The following NFIX variants were observed in gnomAD, a reference collection of about 807,000 sequenced individuals.
NFIX encodes nuclear factor I X, also known as nuclear factor 1 X-type.
In NFIX, 2 loss-of-function variants were observed where a neutral mutation model predicts 53.3. That is an observed-to-expected ratio of 0.04 (90% CI 0.02 to 0.12). NFIX has a LOEUF of 0.12. Among genes scored for constraint, NFIX ranks in the 10% least tolerant of loss-of-function variants. NFIX has a pLI of 1.00. For synonymous variants in NFIX, 244 were observed against 289.0 expected, an observed-to-expected ratio of 0.84 and a Z score of 1.58; for missense variants, 310 against 674.5, an observed-to-expected ratio of 0.46 and a Z score of 5.99.
In NFIX at chr19:13,021,378, GC is replaced by G. The variant is rs1362398045; in HGVS notation, c.28-3642del. ...CACAGACTGGGGTCCCAGGTGTTGG[GC>G]AGCCCCTCTCCCATTGTCAGGGTTC... On this transcript the variant is annotated intron_variant, in intron 1 of 10. Transcript: ENST00000592199. This position sits in a 1 kb window ranked among gnomAD's most constrained non-coding sequence, Gnocchi z 4.2. 7.2e-5 allele frequency among the ~76,000 whole-genome samples: 11 copies of G among 152,138 alleles called. No homozygotes were observed. Among genetic ancestry groups the G allele is most frequent in the Non-Finnish European group, 1.5e-4 (10 of 68,014 alleles).
chr19:13,030,907 C>T (rs963810678), intron 2 of NFIX, among the ~76,000 whole-genome samples: 7 of 152,204 alleles, frequency 4.6e-5, no homozygotes, highest in Non-Finnish European at 7.3e-5. Context: ...TTTAACCAAG[C>T]GTGGGGGGCA....
At chr19:13,087,877 A>C (rs1408456933) in intron 8 of NFIX, 112 bp from the exon 9 acceptor site, 1 of 1,275,196 alleles carries the variant, frequency 7.8e-7, no homozygotes, top group Non-Finnish European at 1.1e-6. Flanking sequence ...CCAATCCTGG[A>C]TCTTCCACCG....
chr19:13,019,739 T>G (rs199975123), intron 1 of NFIX, among the ~76,000 whole-genome samples: 189 of 151,102 alleles, frequency 1.3e-3, no homozygotes, highest in East Asian at 7.5e-3. Flanking sequence ...TTGTTTTTTT[T>G]TTTTTTTTAC....
rs567705776 is a variant in NFIX, at chr19:13,097,566, T to A, written c.*2917T>A. 6.6e-6 allele frequency: 1 copy of A among 152,664 alleles called. No individual in the cohort carries two copies. Among genetic ancestry groups the A allele is most frequent in the Non-Finnish European group, 1.5e-5 (1 of 67,996 alleles). 9.5% of individuals were successfully genotyped at this position (152,664 alleles called of 1,614,324 possible). On this transcript the variant is annotated 3_prime_UTR_variant, in exon 11 of 11. Coordinates refer to ENST00000592199, the MANE Select transcript of NFIX (RefSeq NM_001365902.3). ...AGCGGCGTGCCCCCGGCGGCTGGACTGCTCCGGCCGCGGGTCTCCCCGGGC... is the reference window on the plus strand; with the variant it reads ...AGCGGCGTGCCCCCGGCGGCTGGACAGCTCCGGCCGCGGGTCTCCCCGGGC...
chr19:12,997,874 T>C (rs2011526184), intron 1 of NFIX, among the ~76,000 whole-genome samples: 1 of 152,100 alleles, frequency 6.6e-6, no homozygotes, highest in South Asian at 2.1e-4. Flanking sequence ...TCTGTGTGAT[T>C]GTAGGCCCAG....
chr19:13,076,290 A>G (rs937527067), intron 6 of NFIX, among the ~76,000 whole-genome samples: 2 of 152,198 alleles, frequency 1.3e-5, no homozygotes, highest in Non-Finnish European at 2.9e-5. Context: ...GAGACCAGGT[A>G]GGGAAGCTAG....
intron 1 of NFIX, among the ~76,000 whole-genome samples, chr19:13,016,054 G>T (rs1490665083): frequency 6.6e-6 from 1 of 152,144 alleles, no homozygotes; most frequent in African/African-American, 2.4e-5. Flanking sequence ...CTTAATCTGG[G>T]TGGGGTTACA....
At chr19:13,059,201 G>A (rs981076194) in intron 2 of NFIX, among the ~76,000 whole-genome samples, 2 of 152,222 alleles carry the variant, frequency 1.3e-5, no homozygotes, top group African/African-American at 4.8e-5. Context: ...TTGTGTATCT[G>A]AGCTGCAGCC....
chr19:13,027,270 C>T lies in NFIX; in HGVS notation c.559+1718C>T, dbSNP rs901653395. Among the ~76,000 whole-genome samples the T allele has an allele frequency of 1.3e-5, 2 of 152,122 alleles. No individual in the cohort carries two copies. The highest frequency in any genetic ancestry group is 3.2e-3 in the Middle Eastern group (1 of 316). On this transcript the variant is annotated intron_variant, in intron 2 of 10. Transcript: ENST00000592199. This position sits in a 1 kb window ranked among gnomAD's most constrained non-coding sequence, Gnocchi z 4.3. ...ACCCGTCATGCAGAAGGGCCAGGTG[C>T]CAGTCATTCCCCCTCCCTTCAGCTT...
intron 1 of NFIX, among the ~76,000 whole-genome samples, chr19:13,008,764 A>T (rs945389817): frequency 6.6e-6 from 1 of 152,152 alleles, no homozygotes; most frequent in East Asian, 1.9e-4. Context: ...CCCCCCTCCA[A>T]ACCCCAGCAA....
At position 13,022,728 on chromosome 19, in the gene NFIX, C is replaced by T. The variant is rs946709699; in HGVS notation, c.28-2293C>T. On this transcript the variant is annotated intron_variant, in intron 1 of 10. Coordinates refer to ENST00000592199, the MANE Select transcript of NFIX (RefSeq NM_001365902.3). The surrounding 1 kb of genome is among the most constrained non-coding windows in gnomAD (Gnocchi z 4.5). ...CTTCTGGGGCTCCCGCCCGCCAGCC[C>T]GCCGGGAGTCAGGCCTTTATTTATT... Among the ~76,000 whole-genome samples, 4 of 152,116 alleles carry T rather than the reference C, an allele frequency of 2.6e-5. No homozygotes were observed. Among genetic ancestry groups the T allele is most frequent in the Admixed American group, 1.3e-4 (2 of 15,272 alleles).
chr19:13,052,780 G>T lies in NFIX; in HGVS notation c.560-20267G>T, dbSNP rs1428303184. The stretch of plus-strand genomic sequence containing the variant: ...CAGGGCCGTGAGGTTGGCACCCCCT[G>T]CACCCGTCCACACACACAGACCAGA... On this transcript the variant is annotated intron_variant, in intron 2 of 10. Coordinates refer to ENST00000592199, the MANE Select transcript of NFIX (RefSeq NM_001365902.3). The surrounding 1 kb of genome is among the most constrained non-coding windows in gnomAD (Gnocchi z 5.2). Among the ~76,000 whole-genome samples the T allele has an allele frequency of 2.0e-5, 3 of 152,182 alleles. No homozygotes were observed. The highest frequency in any genetic ancestry group is 4.4e-5 in the Non-Finnish European group (3 of 68,034).
chr19:13,025,468 C>A lies in NFIX; in HGVS notation c.475C>A (p.Pro159Thr). Residue 159 changes from proline to threonine, a missense_variant, in exon 2 of 11, where the codon CCC (proline) becomes ACC (threonine). Physicochemically the swap from Pro to Thr is conservative, Grantham distance 38 (BLOSUM62 -1). Coordinates refer to ENST00000592199, the MANE Select transcript of NFIX (RefSeq NM_001365902.3). The surrounding 1 kb of genome is among the most constrained non-coding windows in gnomAD (Gnocchi z 7.5). ...CTACAAGTCGCCTCAGTGCTCGAAC[C>A]CCGGCCTGTGCGTCCAGCCACATCA... ...RLYKSPQCSN[P>T]GLCVQPHHIG... The A allele has an allele frequency of 6.2e-7, 1 of 1,614,018 alleles. No homozygotes were observed. Among genetic ancestry groups the A allele is most frequent in the Non-Finnish European group, 8.5e-7 (1 of 1,179,898 alleles).
Position 13,068,308 on chromosome 19 carries a change from A to G in NFIX, c.560-4739A>G, listed in dbSNP as rs538372939. 1.3e-5 allele frequency among the ~76,000 whole-genome samples: 2 copies of G among 152,246 alleles called. No individual in the cohort carries two copies. The highest frequency in any genetic ancestry group is 1.3e-4 in the Admixed American group (2 of 15,288). ...GGTGCTGAAGAGGTGAGGGGGAGGC[A>G]AAGGAAGGACAGAGGGAGGGGAGCC... is the stretch of plus-strand genomic sequence containing the variant. On this transcript the variant is annotated intron_variant, in intron 2 of 10. Transcript: ENST00000592199. The surrounding 1 kb of genome is among the most constrained non-coding windows in gnomAD (Gnocchi z 4.2).
rs914432884 is a variant in NFIX, at chr19:13,028,528, C to T, written c.559+2976C>T. On this transcript the variant is annotated intron_variant, in intron 2 of 10. Transcript: ENST00000592199. This position sits in a 1 kb window ranked among gnomAD's most constrained non-coding sequence, Gnocchi z 4.2. ...GACATGTTCGAGAGGGAATAAAGGA[C>T]GTGTGTTTGGCGTTGAAACTCCACT... 3.9e-5 allele frequency among the ~76,000 whole-genome samples: 6 copies of T among 152,272 alleles called. No individual in the cohort carries two copies. Among genetic ancestry groups the T allele is most frequent in the East Asian group, 1.9e-4 (1 of 5,180 alleles).
At position 13,065,295 on chromosome 19, in the gene NFIX, G is replaced by A. The variant is rs181600658; in HGVS notation, c.560-7752G>A. 5.6e-3 allele frequency among the ~76,000 whole-genome samples: 850 copies of A among 152,326 alleles called. 9 individuals are homozygous for A. Among genetic ancestry groups the A allele is most frequent in the African/African-American group, 0.02 (816 of 41,564 alleles). ...AAGCAGACCCAGGCCAATGGCTCCTGCCCAAGATGTTTTTCTTTGCCTTCT... is the reference window on the plus strand; with the variant it reads ...AAGCAGACCCAGGCCAATGGCTCCTACCCAAGATGTTTTTCTTTGCCTTCT... On this transcript the variant is annotated intron_variant, in intron 2 of 10. Coordinates refer to ENST00000592199, the MANE Select transcript of NFIX (RefSeq NM_001365902.3).
Position 13,049,476 on chromosome 19 carries a change from G to A in NFIX, c.560-23571G>A, listed in dbSNP as rs561724422. The stretch of plus-strand genomic sequence containing the variant: ...TGCTTTGTTTCTATGGATTTGCCTA[G>A]TTGTGGATGTTTCATATAAATGAGA... On this transcript the variant is annotated intron_variant, in intron 2 of 10. Transcript: ENST00000592199. This position sits in a 1 kb window ranked among gnomAD's most constrained non-coding sequence, Gnocchi z 4.5. Among the ~76,000 whole-genome samples, 2 of 152,078 alleles carry A rather than the reference G, an allele frequency of 1.3e-5. No homozygotes were observed. Among genetic ancestry groups the A allele is most frequent in the South Asian group, 4.2e-4 (2 of 4,814 alleles).
At chr19:13,069,313 G>A (rs953462485) in intron 2 of NFIX, among the ~76,000 whole-genome samples, 2 of 152,196 alleles carry the variant, frequency 1.3e-5, no homozygotes, top group Non-Finnish European at 2.9e-5. Flanking sequence ...AGGCTTCCAG[G>A]GGACATGGCC....
chr19:13,031,546 T>A (rs1053050801), intron 2 of NFIX, among the ~76,000 whole-genome samples: 8 of 152,198 alleles, frequency 5.3e-5, no homozygotes, highest in Admixed American at 5.2e-4. Flanking sequence ...GTGAGCAAGG[T>A]CCTGGCCTAG....
Sources: gnomAD v4.1 joint callset for allele counts (sites outside exome capture counted in the v4.1 genomes callset) on GRCh38, gnomAD v4.1.1 for gene constraint, Gnocchi (gnomAD v3.1) non-coding constraint, MANE v1.5 for transcripts, NCBI Gene and HGNC (gene_info 2026-07-23, HGNC 2026-07-21) for gene names.